Variants in HSD17B12 observed in about 807,000 individuals in gnomAD.
The protein encoded by HSD17B12 is very-long-chain 3-oxoacyl-CoA reductase.
HSD17B12 carries 32 observed loss-of-function variants against 39.3 expected under a neutral mutation model. The observed-to-expected ratio is 0.81, with a 90% CI of 0.61 to 1.09. HSD17B12 has a LOEUF of 1.09. HSD17B12 is among the 50% of genes least tolerant of loss of function. The pLI is 0.00. For synonymous variants in HSD17B12, 150 were observed against 146.7 expected (o/e 1.02, Z -0.16); for missense variants, 342 against 382.9 (o/e 0.89, Z 0.89).
chr11:43,798,488 T>C, intron 4 of HSD17B12, 61 bp downstream of exon 4: 1 of 1,094,156 alleles, frequency 9.1e-7, no homozygotes, highest in Non-Finnish European at 1.4e-6. Context: ...TTTATGACTT[T>C]GGATGTTAAG....
the HSD17B12 span, among the ~76,000 whole-genome samples, chr11:43,664,585 C>G: frequency 6.6e-6 from 1 of 152,178 alleles, no homozygotes; most frequent in South Asian, 2.1e-4. Context: ...ACTCTAACTT[C>G]CATGGCTATT....
At chr11:43,749,260 G>T (rs1479021699) in intron 1 of HSD17B12, among the ~76,000 whole-genome samples, 1 of 152,072 alleles carries the variant, frequency 6.6e-6, no homozygotes, top group African/African-American at 2.4e-5. Context: ...GGGGAGAGGG[G>T]TTATAGACAT....
At chr11:43,772,714 T>G (rs1950661072) in intron 3 of HSD17B12, among the ~76,000 whole-genome samples, 1 of 152,242 alleles carries the variant, frequency 6.6e-6, no homozygotes. Context: ...TTACTTTTTC[T>G]TGAATAGAAC....
At chr11:43,765,765 A>C (rs1014166855) in intron 3 of HSD17B12, among the ~76,000 whole-genome samples, 1 of 152,158 alleles carries the variant, frequency 6.6e-6, no homozygotes, top group Non-Finnish European at 1.5e-5. Context: ...TAATTCTGTT[A>C]GTGTATTTTA....
intron 1 of HSD17B12, chr11:43,734,580 C>T (rs1023859648): frequency 2.2e-6 from 1 of 447,916 alleles, no homozygotes; most frequent in Non-Finnish European, 4.0e-6. Context: ...GCCCACCCTG[C>T]CTGCATCTTC....
At chr11:43,759,791 A>G (rs1259271537) in intron 3 of HSD17B12, among the ~76,000 whole-genome samples, 1 of 151,856 alleles carries the variant, frequency 6.6e-6, no homozygotes, top group Non-Finnish European at 1.5e-5. Context: ...GCAGTGGCCC[A>G]AATATGGCTC....
intron 1 of HSD17B12, among the ~76,000 whole-genome samples, chr11:43,726,833 C>T (rs999627222): frequency 7.9e-5 from 12 of 152,222 alleles, no homozygotes; most frequent in African/African-American, 2.9e-4. Context: ...TGTCAAAATA[C>T]AAGTATGGTC....
At chr11:43,782,450 G>A (rs1487503843) in intron 3 of HSD17B12, among the ~76,000 whole-genome samples, 1 of 152,160 alleles carries the variant, frequency 6.6e-6, no homozygotes, top group African/African-American at 2.4e-5. Context: ...AGAGCCCAAG[G>A]CAGGAGGATT....
At chr11:43,687,643 G>A (rs767466818) in intron 1 of HSD17B12, among the ~76,000 whole-genome samples, 31 of 152,200 alleles carry the variant, frequency 2.0e-4, no homozygotes, top group Non-Finnish European at 4.0e-4. Flanking sequence ...CGAGGGCTGA[G>A]TGACGAGCCA....
At chr11:43,623,043 G>A in the HSD17B12 span, among the ~76,000 whole-genome samples, 40 of 152,112 alleles carry the variant, frequency 2.6e-4, no homozygotes, top group East Asian at 4.4e-3. Flanking sequence ...AATTTTGTGG[G>A]CCTCAATAAT....
At chr11:43,807,327 G>A (rs1179943400) in intron 4 of HSD17B12, among the ~76,000 whole-genome samples, 1 of 152,170 alleles carries the variant, frequency 6.6e-6, no homozygotes, top group Non-Finnish European at 1.5e-5. Context: ...GAAACCTGAA[G>A]GCTGAATAAT....
intron 1 of HSD17B12, among the ~76,000 whole-genome samples, chr11:43,713,918 A>T (rs906522399): frequency 6.6e-6 from 1 of 152,192 alleles, no homozygotes; most frequent in Non-Finnish European, 1.5e-5. Context: ...GGCTGCATAA[A>T]TGTCTTCTTT....
chr11:43,823,782 A>C (rs1158754130), intron 6 of HSD17B12, among the ~76,000 whole-genome samples: 1 of 152,144 alleles, frequency 6.6e-6, no homozygotes, highest in Non-Finnish European at 1.5e-5. Flanking sequence ...AACTGAAAAA[A>C]CTGAACTGAA....
the HSD17B12 span, among the ~76,000 whole-genome samples, chr11:43,558,326 C>G: frequency 1.3e-5 from 2 of 152,260 alleles, no homozygotes; most frequent in East Asian, 3.9e-4. Flanking sequence ...CTCCCTCCCC[C>G]GCGTCTTTCA....
the HSD17B12 span, among the ~76,000 whole-genome samples, chr11:43,634,068 T>C: frequency 6.2e-5 from 1 of 16,066 alleles, no homozygotes; most frequent in East Asian, 1.1e-3. Flanking sequence ...GAGCAAAAAC[T>C]CCATCTCAAA....
rs192620201 is a variant in HSD17B12 at position 43,693,502 on chromosome 11, G to C, written c.160+12515G>C. ...CACCCTACATAGATGTTAAGACCAGGAGGCACTTGTTCATTGTATATAGTG... is the reference window on the plus strand; with the variant it reads ...CACCCTACATAGATGTTAAGACCAGCAGGCACTTGTTCATTGTATATAGTG... On this transcript the variant is annotated intron_variant, in intron 1 of 10. Coordinates refer to ENST00000278353, the MANE Select transcript of HSD17B12 (RefSeq NM_016142.3). 1.3e-3 allele frequency among the ~76,000 whole-genome samples: 200 copies of C among 152,196 alleles called. 1 individual carries two copies. Among genetic ancestry groups the C allele is most frequent in the African/African-American group, 4.6e-3 (192 of 41,526 alleles).
chr11:43,589,420 G>A, the HSD17B12 span, among the ~76,000 whole-genome samples: 1 of 152,256 alleles, frequency 6.6e-6, no homozygotes, highest in Non-Finnish European at 1.5e-5. Context: ...AAAACACCAG[G>A]GCCACCAATT....
At chr11:43,646,295 C>T in the HSD17B12 span, 11 of 152,194 alleles carry the variant, frequency 7.2e-5, no homozygotes, top group African/African-American at 2.7e-4. Flanking sequence ...AAAGTATTTC[C>T]TTCCCTCTAA....
chr11:43,587,858 A>G, the HSD17B12 span, among the ~76,000 whole-genome samples: 1 of 152,204 alleles, frequency 6.6e-6, no homozygotes, highest in Non-Finnish European at 1.5e-5. Context: ...ACCAGGCACA[A>G]TCATAGCTGG....
Sources: allele counts gnomAD v4.1 joint callset (sites outside exome capture counted in the v4.1 genomes callset), GRCh38; gene constraint gnomAD v4.1.1; transcripts MANE v1.5; gene names NCBI Gene and HGNC (gene_info 2026-07-23, HGNC 2026-07-21).